MGAT3: variants seen among roughly 807,000 people sequenced by gnomAD.
The protein encoded by MGAT3 is GlcNAc-T III.
A neutral mutation model predicts 29.8 loss-of-function variants in MGAT3; 9 were observed. That is an observed-to-expected ratio of 0.30 (90% confidence interval 0.18 to 0.53). The LOEUF is 0.53. Ranked by LOEUF, MGAT3 falls within the 20% of genes least tolerant of loss-of-function variation. MGAT3 has a pLI of 0.96. For synonymous variants in MGAT3, 397 were observed against 348.9 expected (o/e 1.14, Z -1.54); for missense variants, 557 against 769.5 (o/e 0.72, Z 3.27).
intron 1 of MGAT3, among the ~76,000 whole-genome samples, chr22:39,480,032 G>C (rs1929078758): frequency 1.3e-5 from 2 of 152,176 alleles, no homozygotes; most frequent in African/African-American, 4.8e-5. Context: ...GAGGAGTTGA[G>C]GCTGAGAGAG....
chr22:39,470,624 A>C (rs1928781177), intron 1 of MGAT3, among the ~76,000 whole-genome samples: 1 of 152,150 alleles, frequency 6.6e-6, no homozygotes, highest in Admixed American at 6.5e-5. Context: ...TCGGGGTGGC[A>C]GAGGAGGCAG....
At chr22:39,467,290 G>A (rs376035554) in intron 1 of MGAT3, among the ~76,000 whole-genome samples, 3 of 152,330 alleles carry the variant, frequency 2.0e-5, no homozygotes, top group East Asian at 1.9e-4. Flanking sequence ...GGTGCAGAGG[G>A]TGAAGGGCAG....
intron 1 of MGAT3, among the ~76,000 whole-genome samples, chr22:39,481,016 A>G (rs193237914): frequency 2.0e-5 from 3 of 152,124 alleles, no homozygotes; most frequent in Admixed American, 2.0e-4. Flanking sequence ...AGCCAAAGTG[A>G]GCCATTCACA....
At chr22:39,466,845 A>G (rs911141484) in intron 1 of MGAT3, among the ~76,000 whole-genome samples, 3 of 152,216 alleles carry the variant, frequency 2.0e-5, no homozygotes, top group Non-Finnish European at 4.4e-5. Flanking sequence ...TTGTCATTGC[A>G]TCTGAGCCTT....
intron 1 of MGAT3, among the ~76,000 whole-genome samples, chr22:39,458,370 TG>T (rs1357934722): frequency 8.5e-5 from 13 of 152,064 alleles, no homozygotes; most frequent in Admixed American, 7.9e-4. Flanking sequence ...AGGCCCCTGA[TG>T]GGGTGTGGGC....
chr22:39,465,298 C>T (rs1928608923), intron 1 of MGAT3, among the ~76,000 whole-genome samples: 1 of 152,134 alleles, frequency 6.6e-6, no homozygotes, highest in South Asian at 2.1e-4. Flanking sequence ...TTTCCCAGGG[C>T]CCCAGACGTT....
At chr22:39,471,734 GAC>G (rs1037760757) in intron 1 of MGAT3, among the ~76,000 whole-genome samples, 93 of 152,112 alleles carry the variant, frequency 6.1e-4, no homozygotes, top group African/African-American at 2.1e-3. Context: ...CACACAATCT[GAC>G]ACACAGAGAC....
In MGAT3 at chr22:39,457,886, T is replaced by G. The variant is rs1296213595; in HGVS notation, c.-2+329T>G. On this transcript the variant is annotated intron_variant, in intron 1 of 1. Coordinates refer to ENST00000341184, the MANE Select transcript of MGAT3 (RefSeq NM_002409.5). The surrounding 1 kb of genome is among the most constrained non-coding windows in gnomAD (Gnocchi z 6.8). ...CGAGGCGCGGGGCTCGAGCCGTGCT[T>G]TGTGCGCGGCACCCCCCAGCCTCCG... Among the ~76,000 whole-genome samples, 1 of 151,352 alleles carries G rather than the reference T, an allele frequency of 6.6e-6. No individual in the cohort carries two copies. Among genetic ancestry groups the G allele is most frequent in the Non-Finnish European group, 1.5e-5 (1 of 67,758 alleles).
chr22:39,488,868 C>G lies in MGAT3; in HGVS notation c.1521C>G (p.Ser507Arg). The G allele has an allele frequency of 6.2e-7, 1 of 1,603,380 alleles. No homozygotes were observed. The highest frequency in any genetic ancestry group is 1.7e-5 in the Admixed American group (1 of 58,414). The change falls in exon 2 of 2, where the codon AGC becomes AGG. Residue 507 changes from serine (S) to arginine (R), a missense_variant. Ser to Arg is a moderately radical substitution (Grantham distance 110). Around this residue, in one of 3 missense-constraint regions of MGAT3, gnomAD observed 102 missense variants for 97.0 expected, o/e 1.05. Transcript: ENST00000341184. Reference protein sequence around the residue: ...LLDNPYQEPRSTAAGGWRHRG... With the variant: ...LLDNPYQEPRRTAAGGWRHRG... ...ACAACCCCTACCAGGAGCCCAGGAG[C>G]ACGGCGGCGGGCGGGTGGCGCCACA...
At chr22:39,477,196 C>T (rs1252798361) in intron 1 of MGAT3, among the ~76,000 whole-genome samples, 3 of 152,214 alleles carry the variant, frequency 2.0e-5, no homozygotes, top group Non-Finnish European at 2.9e-5. Flanking sequence ...TTGGAATGGG[C>T]GGCCCGTGGG....
rs550559824 is a variant in MGAT3, at chr22:39,461,675, C to T, written c.-2+4118C>T. 9.9e-5 allele frequency among the ~76,000 whole-genome samples: 15 copies of T among 152,274 alleles called. No individual in the cohort carries two copies. The South Asian group carries it at 2.7e-3, about 27-fold the overall frequency. On this transcript the variant is annotated intron_variant, in intron 1 of 1. Transcript: ENST00000341184. ...TTGTCCATCAAAAGCTTCCTCATGA[C>T]CCCCTTCCTCTGTGACACCAGCCCC...
chr22:39,457,129 C>T lies in MGAT3; in HGVS notation c.-430C>T, dbSNP rs1177887489. On this transcript the variant is annotated 5_prime_UTR_variant, in exon 1 of 2. Coordinates refer to ENST00000341184, the MANE Select transcript of MGAT3 (RefSeq NM_002409.5). This position sits in a 1 kb window ranked among gnomAD's most constrained non-coding sequence, Gnocchi z 6.8. ...CCCCCGGCCCGGCGCGGCGGCGGAG[C>T]CCGGCTGGCGGGGGAGGGGAGGGGG... Among the ~76,000 whole-genome samples the T allele has an allele frequency of 2.1e-5, 3 of 144,720 alleles. No individual in the cohort carries two copies. In the East Asian group the frequency reaches 6.1e-4, roughly 29 times the overall value. 94.9% of individuals were successfully genotyped at this position (144,720 alleles called of 152,430 possible). A position where few individuals can be genotyped will look rare whatever the true frequency, so the allele number is the denominator to read the frequency against.
chr22:39,469,111 G>C (rs1235331276), intron 1 of MGAT3, among the ~76,000 whole-genome samples: 1 of 149,458 alleles, frequency 6.7e-6, no homozygotes, highest in Non-Finnish European at 1.5e-5. Context: ...GACTGCCTTG[G>C]TGGTGTGGGG....
chr22:39,472,120 A>G (rs73885227), intron 1 of MGAT3, among the ~76,000 whole-genome samples: 1,714 of 152,212 alleles, frequency 0.011, 36 homozygotes, highest in African/African-American at 0.039. Context: ...TGAGGAATGA[A>G]TGCCTTGCTA....
intron 1 of MGAT3, among the ~76,000 whole-genome samples, chr22:39,470,209 G>A (rs902880595): frequency 1.5e-4 from 23 of 152,208 alleles, no homozygotes; most frequent in African/African-American, 3.9e-4. Flanking sequence ...AGGGATGAGC[G>A]CTGGGGGGAC....
intron 1 of MGAT3, among the ~76,000 whole-genome samples, chr22:39,485,790 AAAAC>A (rs756402413): frequency 1.5e-4 from 23 of 152,218 alleles, no homozygotes; most frequent in Admixed American, 7.2e-4. Context: ...CTCTGTCTTA[AAAAC>A]AAACAAACAA....
At chr22:39,470,344 C>G (rs2145715290) in intron 1 of MGAT3, among the ~76,000 whole-genome samples, 1 of 152,294 alleles carries the variant, frequency 6.6e-6, no homozygotes, top group African/African-American at 2.4e-5. Context: ...GAGGGATCAG[C>G]CAGTGCGAGG....
At chr22:39,480,789 C>G (rs1436321446) in intron 1 of MGAT3, among the ~76,000 whole-genome samples, 4 of 152,232 alleles carry the variant, frequency 2.6e-5, no homozygotes, top group African/African-American at 9.6e-5. Context: ...CCAGCCTCCT[C>G]CACCCCAGTC....
Position 39,488,543 on chromosome 22 carries a change from C to T in MGAT3, c.1196C>T (p.Thr399Ile). The T allele has an allele frequency of 6.2e-7, 1 of 1,613,328 alleles. No homozygotes were observed. Among genetic ancestry groups the T allele is most frequent in the Non-Finnish European group, 8.5e-7 (1 of 1,180,018 alleles). Reference sequence around the variant, plus strand: ...AACTTCAGACAGTATGAGAACCGCACCGGCCACATCCTGGTGCAGTGGTCG... The same window carrying T: ...AACTTCAGACAGTATGAGAACCGCATCGGCCACATCCTGGTGCAGTGGTCG... ...MPNFRQYENR[T>I]GHILVQWSLG... Residue 399 changes from threonine (T) to isoleucine (I), a missense_variant, in exon 2 of 2, where the codon ACC becomes ATC. Thr to Ile is a moderately conservative substitution (Grantham distance 89). Transcript: ENST00000341184.
Sources: allele counts gnomAD v4.1 joint callset (sites outside exome capture counted in the v4.1 genomes callset), GRCh38; gene constraint gnomAD v4.1.1; regional missense constraint gnomAD v4.1.1; non-coding constraint Gnocchi (gnomAD v3.1); transcripts MANE v1.5; gene names NCBI Gene and HGNC (gene_info 2026-07-23, HGNC 2026-07-21).